Variants in MTUS1 observed in about 807,000 individuals in gnomAD.
The protein encoded by MTUS1 is microtubule associated scaffold protein 1.
MTUS1 carries 109 observed loss-of-function variants against 120.8 expected under a neutral mutation model. The observed-to-expected ratio is 0.90, with a 90% confidence interval of 0.77 to 1.06. MTUS1 has a LOEUF of 1.06. Among genes scored for constraint, MTUS1 ranks in the 50% least tolerant of loss-of-function variants. The pLI is 0.00. For missense variants in MTUS1, 2,210 were observed against 1,486.3 expected, an observed-to-expected ratio of 1.49 and a Z score of -8.01; for synonymous variants, 737 against 550.5, an observed-to-expected ratio of 1.34 and a Z score of -4.74.
intron 12 of MTUS1, among the ~76,000 whole-genome samples, chr8:17,652,772 G>A (rs112738624): frequency 0.082 from 12,468 of 151,468 alleles, 615 homozygotes; most frequent in African/African-American, 0.11. Flanking sequence ...GGAGGTGGAC[G>A]TTGCAGTGAG....
intron 8 of MTUS1, among the ~76,000 whole-genome samples, chr8:17,673,031 G>A (rs1271948993): frequency 6.6e-6 from 1 of 152,154 alleles, no homozygotes; most frequent in African/African-American, 2.4e-5. Flanking sequence ...TGAACCTCTA[G>A]GTAGGCTCAC....
intron 7 of MTUS1, among the ~76,000 whole-genome samples, chr8:17,681,296 T>A (rs1376549205): frequency 6.6e-6 from 1 of 152,194 alleles, no homozygotes; most frequent in Non-Finnish European, 1.5e-5. Flanking sequence ...CAAGTGGTGA[T>A]GTGATGCTGC....
chr8:17,791,722 G>A (rs1184891275), intron 1 of MTUS1, among the ~76,000 whole-genome samples: 3 of 152,168 alleles, frequency 2.0e-5, no homozygotes, highest in Admixed American at 1.3e-4. Flanking sequence ...AAGGAAGAGG[G>A]AAAGTTATCA....
At position 17,754,337 on chromosome 8, in the gene MTUS1, C is replaced by T; in HGVS notation, c.1471G>A (p.Gly491Ser). ...ATTTCAGTTTTTCTAACTTTGCAGCCTATTGGGGTATTCGTTTTGATTGTT... is the reference window on the plus strand; with the variant it reads ...ATTTCAGTTTTTCTAACTTTGCAGCTTATTGGGGTATTCGTTTTGATTGTT... The part of the protein sequence containing the change: ...KSTIKTNTPI[G>S]CKVRKTEIIS... The change falls in exon 2 of 15, where the codon GGC becomes AGC. Residue 491 changes from glycine to serine, a missense_variant. Transcript: ENST00000693296. 6.2e-7 allele frequency: 1 copy of T among 1,613,928 alleles called. No individual in the cohort carries two copies. Among genetic ancestry groups the T allele is most frequent in the African/African-American group, 1.3e-5 (1 of 74,944 alleles).
chr8:17,738,267 G>A (rs1198708424), intron 3 of MTUS1, among the ~76,000 whole-genome samples: 1 of 152,098 alleles, frequency 6.6e-6, no homozygotes, highest in Non-Finnish European at 1.5e-5. Flanking sequence ...ACCATTCTTT[G>A]TGCCGCTTTG....
intron 3 of MTUS1, among the ~76,000 whole-genome samples, chr8:17,735,247 C>T (rs1179428378): frequency 1.3e-5 from 2 of 152,164 alleles, no homozygotes; most frequent in African/African-American, 4.8e-5. Flanking sequence ...CTCCGGAAAA[C>T]TTCTTGCTAC....
At chr8:17,722,969 A>AT (rs2045946281) in intron 4 of MTUS1, among the ~76,000 whole-genome samples, 1 of 152,134 alleles carries the variant, frequency 6.6e-6, no homozygotes, top group African/African-American at 2.4e-5. Flanking sequence ...ATCCATGAAA[A>AT]TACCTTCTTT....
rs779666686 is a variant in MTUS1 at position 17,654,582 on chromosome 8, C to A, written c.3193G>T (p.Ala1065Ser). The A allele has an allele frequency of 6.2e-7, 1 of 1,612,754 alleles. No individual in the cohort carries two copies. Among genetic ancestry groups the A allele is most frequent in the Admixed American group, 1.7e-5 (1 of 60,022 alleles). ...HSEKLELLKK[A>S]YEASLSEIKK... ...TTGCCTGAAAGGGAGGCTTCATAGG[C>A]CTTCTTTAGCAATTCAAGTTTCTCT... The change falls in exon 10 of 15, where the codon GCC becomes TCC. Residue 1065 changes from alanine (A) to serine (S), a missense_variant. By Grantham distance (99) the Ala-to-Ser change is moderately conservative. Transcript: ENST00000693296.
At chr8:17,748,577 G>T (rs1193279934) in intron 2 of MTUS1, among the ~76,000 whole-genome samples, 1 of 152,178 alleles carries the variant, frequency 6.6e-6, no homozygotes, top group Non-Finnish European at 1.5e-5. Flanking sequence ...GAGCACTGTA[G>T]CATGCCCTCT....
At chr8:17,760,051 C>CTTTTTTTTTTT (rs1165288999) in intron 1 of MTUS1, among the ~76,000 whole-genome samples, 1 of 130,210 alleles carries the variant, frequency 7.7e-6, no homozygotes. Context: ...TCTACGATTT[C>CTTTTTTTTTTT]TTTTCTTTTT....
chr8:17,787,170 C>A (rs528277338), intron 1 of MTUS1, among the ~76,000 whole-genome samples: 5 of 152,298 alleles, frequency 3.3e-5, no homozygotes, highest in South Asian at 2.1e-4. Flanking sequence ...CACTGCTCCA[C>A]GCCAGGCCAG....
intron 2 of MTUS1, among the ~76,000 whole-genome samples, chr8:17,750,890 C>T (rs2048138293): frequency 6.6e-6 from 1 of 152,192 alleles, no homozygotes; most frequent in Non-Finnish European, 1.5e-5. Context: ...AATCAAGTTC[C>T]TTCTTCCAAA....
chr8:17,681,713 G>A (rs1437920703), intron 7 of MTUS1: 1 of 154,646 alleles, frequency 6.5e-6, no homozygotes, highest in Non-Finnish European at 1.5e-5. Flanking sequence ...CAGCATCTGG[G>A]CATGATAATA....
intron 1 of MTUS1, among the ~76,000 whole-genome samples, chr8:17,795,203 A>G (rs1178154597): frequency 2.0e-5 from 3 of 152,180 alleles, no homozygotes; most frequent in African/African-American, 7.2e-5. Flanking sequence ...TGTCACAAAC[A>G]TTATTTACAC....
chr8:17,754,070 T>G lies in MTUS1; in HGVS notation c.1738A>C (p.Asn580His), dbSNP rs918607134. The change falls in exon 2 of 15, where the codon AAT (asparagine) becomes CAT (histidine). Residue 580 changes from asparagine (N) to histidine (H), a missense_variant. Asn to His is a moderately conservative substitution (Grantham distance 68, BLOSUM62 1). Transcript: ENST00000693296. ...ACAGCCTGGCTAGTAATGAGTTTAT[T>G]AAACTGCTGCTTATGTGTCTTGTTA... Reference protein sequence around the residue: ...LINKTHKQQFNKLITSQAVHV... With the variant: ...LINKTHKQQFHKLITSQAVHV... The G allele has an allele frequency of 1.2e-6, 2 of 1,614,174 alleles. No individual in the cohort carries two copies. Among genetic ancestry groups the G allele is most frequent in the Admixed American group, 1.7e-5 (1 of 60,036 alleles).
intron 3 of MTUS1, among the ~76,000 whole-genome samples, chr8:17,729,982 A>G (rs2046452252): frequency 7.7e-6 from 1 of 130,450 alleles, no homozygotes; most frequent in African/African-American, 2.9e-5. Context: ...GGATGCTATC[A>G]TCAAAAAAAA....
At chr8:17,654,879 A>C in intron 9 of MTUS1, 1 of 571,998 alleles carries the variant, frequency 1.7e-6, no homozygotes, top group Non-Finnish European at 3.1e-6. Flanking sequence ...CTTGGAGCCC[A>C]GCAGTTCAAG....
At chr8:17,687,986 G>C (rs1816175288) in intron 6 of MTUS1, among the ~76,000 whole-genome samples, 1 of 152,166 alleles carries the variant, frequency 6.6e-6, no homozygotes, top group South Asian at 2.1e-4. Context: ...TAACCATTAA[G>C]ACATGGACTA....
At chr8:17,674,835 T>C in intron 8 of MTUS1, 2 of 1,084,558 alleles carry the variant, frequency 1.8e-6, no homozygotes, top group Non-Finnish European at 2.2e-6. Context: ...AGGGGAAACT[T>C]TCACTATTCT....
Sources: gnomAD v4.1 joint callset for allele counts (sites outside exome capture counted in the v4.1 genomes callset) on GRCh38, gnomAD v4.1.1 for gene constraint, MANE v1.5 for transcripts, NCBI Gene and HGNC (gene_info 2026-07-23, HGNC 2026-07-21) for gene names.